PID1: variants seen among roughly 807,000 people sequenced by gnomAD.
The protein encoded by PID1 is phosphotyrosine interaction domain containing 1, also known as PTB-containing, cubilin and LRP1-interacting protein.
PID1 carries 10 observed loss-of-function variants against 19.1 expected under a neutral mutation model. The ratio of observed to expected loss-of-function variants is 0.52; its 90% confidence interval spans 0.32 to 0.89. PID1 has a LOEUF of 0.89. Among genes scored for constraint, PID1 ranks in the 40% least tolerant of loss-of-function variants. The pLI, the probability that PID1 is intolerant of heterozygous loss-of-function variation, is 0.03. For synonymous variants in PID1, 130 were observed against 116.0 expected (o/e 1.12, Z -0.78); for missense variants, 248 against 285.3 (o/e 0.87, Z 0.94).
At chr2:229,175,673 C>T (rs1690805945) in intron 1 of PID1, among the ~76,000 whole-genome samples, 1 of 152,176 alleles carries the variant, frequency 6.6e-6, no homozygotes, top group African/African-American at 2.4e-5. Context: ...CCACCCTATC[C>T]TGGAAGACAA....
chr2:229,117,372 C>T (rs1488109721), intron 2 of PID1, among the ~76,000 whole-genome samples: 1 of 152,142 alleles, frequency 6.6e-6, no homozygotes, highest in African/African-American at 2.4e-5. Context: ...TCTACCTTCA[C>T]AATCTGGATA....
At chr2:229,158,952 G>A (rs2021378) in intron 1 of PID1, among the ~76,000 whole-genome samples, 55,980 of 151,654 alleles carry the variant, frequency 0.37, 10,873 homozygotes, top group African/African-American at 0.45. Flanking sequence ...GGAGCTGTGG[G>A]GGAAGGCAGG....
chr2:229,204,781 T>C (rs1422381171), intron 1 of PID1, among the ~76,000 whole-genome samples: 2 of 152,056 alleles, frequency 1.3e-5, no homozygotes, highest in Non-Finnish European at 2.9e-5. Flanking sequence ...AATGAATCAT[T>C]ATGGGTGGTA....
intron 1 of PID1, among the ~76,000 whole-genome samples, chr2:229,186,842 C>T (rs1472970024): frequency 6.6e-6 from 1 of 152,204 alleles, no homozygotes; most frequent in East Asian, 1.9e-4. Flanking sequence ...CATTGTCAGG[C>T]TGCAAATTTT....
At chr2:229,178,091 A>T (rs1396450384) in intron 1 of PID1, among the ~76,000 whole-genome samples, 1 of 152,088 alleles carries the variant, frequency 6.6e-6, no homozygotes, top group Non-Finnish European at 1.5e-5. Context: ...TCTTTCTTAA[A>T]CTGTACATCT....
At chr2:229,099,213 T>C (rs539081108) in intron 2 of PID1, among the ~76,000 whole-genome samples, 1 of 152,330 alleles carries the variant, frequency 6.6e-6, no homozygotes, top group African/African-American at 2.4e-5. Flanking sequence ...TTTTTAAAAA[T>C]ACGTGTTTCA....
chr2:229,095,797 C>A (rs1346826543), intron 2 of PID1, among the ~76,000 whole-genome samples: 1 of 151,944 alleles, frequency 6.6e-6, no homozygotes, highest in African/African-American at 2.4e-5. Context: ...TATGAGCAGT[C>A]ATAAAAAAAA....
At chr2:229,160,689 A>G (rs1690474884) in intron 1 of PID1, among the ~76,000 whole-genome samples, 1 of 152,172 alleles carries the variant, frequency 6.6e-6, no homozygotes, top group South Asian at 2.1e-4. Context: ...CTAGAGAGAG[A>G]CTAAGAAAAT....
At chr2:229,163,672 T>TGTGTGTGC (rs1690537135) in intron 1 of PID1, among the ~76,000 whole-genome samples, 1 of 25,886 alleles carries the variant, frequency 3.9e-5, no homozygotes, top group Non-Finnish European at 5.9e-4. Flanking sequence ...TGTGTGTGTG[T>TGTGTGTGC]GTGCGTGTGC....
intron 1 of PID1, among the ~76,000 whole-genome samples, chr2:229,240,310 CA>C (rs199594103): frequency 3.4e-5 from 5 of 147,746 alleles, no homozygotes; most frequent in South Asian, 4.3e-4. Context: ...GATTTATGGT[CA>C]AAAAAAAAAC....
chr2:229,042,721 C>T (rs1380369556), intron 2 of PID1, among the ~76,000 whole-genome samples: 1 of 152,092 alleles, frequency 6.6e-6, no homozygotes, highest in Non-Finnish European at 1.5e-5. Context: ...AAAATAGAAC[C>T]CAATGCATGA....
intron 2 of PID1, among the ~76,000 whole-genome samples, chr2:229,059,112 G>A (rs552065318): frequency 6.6e-6 from 1 of 152,234 alleles, no homozygotes; most frequent in South Asian, 2.1e-4. Flanking sequence ...ATCCTTGAAT[G>A]TTTTCTATAG....
At chr2:229,232,632 C>A (rs1287896937) in intron 1 of PID1, among the ~76,000 whole-genome samples, 1 of 134,420 alleles carries the variant, frequency 7.4e-6, no homozygotes, top group South Asian at 3.0e-4. Context: ...CTCCACTCAA[C>A]AAAATCACAT....
At chr2:229,080,393 C>T (rs1694646898) in intron 2 of PID1, among the ~76,000 whole-genome samples, 1 of 152,108 alleles carries the variant, frequency 6.6e-6, no homozygotes, top group African/African-American at 2.4e-5. Context: ...TGTGCACATC[C>T]TGCATTCTCT....
intron 2 of PID1, among the ~76,000 whole-genome samples, chr2:229,120,196 C>G (rs1025420666): frequency 1.3e-5 from 2 of 152,102 alleles, no homozygotes. Flanking sequence ...ATGGCAAGCC[C>G]CCATGCAGTC....
intron 1 of PID1, among the ~76,000 whole-genome samples, chr2:229,219,655 T>C (rs1052799688): frequency 1.3e-5 from 2 of 152,026 alleles, no homozygotes; most frequent in Non-Finnish European, 2.9e-5. Context: ...CACCTCAGCC[T>C]CCCAAGTAGC....
In PID1 at chr2:229,150,091, G is replaced by A. The variant is rs182318930; in HGVS notation, c.177+5727C>T. Among the ~76,000 whole-genome samples the A allele has an allele frequency of 1.2e-3, 175 of 151,970 alleles. 2 individuals carry two copies. The highest frequency in any genetic ancestry group is 1.9e-4 in the East Asian group (1 of 5,158). ...CCTACTAAAATTATAAAAATTAGGC[G>A]GGCCTGGTGGCGGATGCCTGCAATT... On this transcript the variant is annotated intron_variant, in intron 2 of 2. Coordinates refer to ENST00000392055, the MANE Select transcript of PID1 (RefSeq NM_001100818.2).
intron 2 of PID1, among the ~76,000 whole-genome samples, chr2:229,066,930 A>T (rs1694339058): frequency 6.6e-6 from 1 of 152,226 alleles, no homozygotes; most frequent in East Asian, 1.9e-4. Context: ...CCAAATTTTT[A>T]AATATATGCC....
intron 2 of PID1, among the ~76,000 whole-genome samples, chr2:229,129,363 G>A (rs923131425): frequency 3.4e-5 from 5 of 148,812 alleles, no homozygotes; most frequent in South Asian, 2.1e-4. Flanking sequence ...GCAGTGAGCC[G>A]AGATTGCGCC....
Sources: allele counts gnomAD v4.1 joint callset (sites outside exome capture counted in the v4.1 genomes callset), GRCh38; gene constraint gnomAD v4.1.1; transcripts MANE v1.5; gene names NCBI Gene and HGNC (gene_info 2026-07-23, HGNC 2026-07-21).